MAST4: variants seen among roughly 807,000 people sequenced by gnomAD.
The protein encoded by MAST4 is microtubule-associated serine/threonine-protein kinase 4.
MAST4 carries 89 observed loss-of-function variants against 162.7 expected under a neutral mutation model. The ratio of observed to expected loss-of-function variants is 0.55; its 90% CI spans 0.46 to 0.65. The LOEUF (loss-of-function observed/expected upper bound fraction) is 0.65, where lower values mean the gene tolerates loss of function less well. Ranked by LOEUF, MAST4 falls within the 30% of genes least tolerant of loss-of-function variation. The pLI is 0.00. For missense variants in MAST4, 3,153 were observed against 3,374.0 expected (o/e 0.93, Z 1.62); for synonymous variants, 1,479 against 1,361.1 (o/e 1.09, Z -1.91).
chr5:66,830,910 G>T (rs1182533326), intron 3 of MAST4, among the ~76,000 whole-genome samples: 1 of 152,180 alleles, frequency 6.6e-6, no homozygotes, highest in African/African-American at 2.4e-5. Context: ...ACCTGTGTTA[G>T]TAAAGCTAGG....
chr5:67,069,792 T>C (rs540658019), intron 5 of MAST4, among the ~76,000 whole-genome samples: 1 of 152,150 alleles, frequency 6.6e-6, no homozygotes, highest in Non-Finnish European at 1.5e-5. Flanking sequence ...TTTGCACATG[T>C]GGGAATGTAC....
At chr5:67,072,129 C>T (rs952785943) in intron 5 of MAST4, among the ~76,000 whole-genome samples, 1 of 152,086 alleles carries the variant, frequency 6.6e-6, no homozygotes, top group Non-Finnish European at 1.5e-5. Flanking sequence ...TTTTATGTTA[C>T]TGAAGAAAGA....
chr5:67,011,008 T>TA (rs1352681451), intron 4 of MAST4, among the ~76,000 whole-genome samples: 1 of 152,172 alleles, frequency 6.6e-6, no homozygotes, highest in East Asian at 1.9e-4. Flanking sequence ...CATATCCCCT[T>TA]ACTCACTGTT....
At chr5:66,966,429 T>C (rs1486696698) in intron 4 of MAST4, among the ~76,000 whole-genome samples, 2 of 152,226 alleles carry the variant, frequency 1.3e-5, no homozygotes, top group African/African-American at 2.4e-5. Flanking sequence ...CAAATAAATA[T>C]ACAATGGCTC....
intron 1 of MAST4, among the ~76,000 whole-genome samples, chr5:66,714,308 C>T (rs1750681232): frequency 6.6e-6 from 1 of 152,322 alleles, no homozygotes. Flanking sequence ...TTTCACTAGC[C>T]ACCAGTCTCT....
rs369466416 is a variant in MAST4 at position 66,882,996 on chromosome 5, C to T, written c.643-16955C>T. Among the ~76,000 whole-genome samples, 317 of 152,296 alleles carry T rather than the reference C, an allele frequency of 2.1e-3. 1 individual carries two copies. The highest frequency in any genetic ancestry group is 7.1e-3 in the African/African-American group (296 of 41,562). ...GACTATGACCAGGGACCATTGCTCT[C>T]ACTCCTACAGTCAAAATAACCTGGG... On this transcript the variant is annotated intron_variant, in intron 3 of 28. Coordinates refer to ENST00000403625, the MANE Select transcript of MAST4 (RefSeq NM_001164664.2).
At chr5:67,109,603 G>C (rs983329122) in intron 10 of MAST4, among the ~76,000 whole-genome samples, 1 of 151,940 alleles carries the variant, frequency 6.6e-6, no homozygotes, top group Non-Finnish European at 1.5e-5. Flanking sequence ...CACTTCTTAC[G>C]TGTGATAATA....
intron 4 of MAST4, among the ~76,000 whole-genome samples, chr5:66,959,572 T>A (rs1377735960): frequency 6.6e-6 from 1 of 152,220 alleles, no homozygotes; most frequent in Non-Finnish European, 1.5e-5. Context: ...AAAGAATGTA[T>A]CAGTAGGCCA....
At chr5:66,966,104 CT>C (rs1368055742) in intron 4 of MAST4, among the ~76,000 whole-genome samples, 1 of 152,168 alleles carries the variant, frequency 6.6e-6, no homozygotes, top group Non-Finnish European at 1.5e-5. Flanking sequence ...TGAATATTGC[CT>C]TTGATTACAG....
At chr5:66,716,448 C>A (rs1463158342) in intron 1 of MAST4, among the ~76,000 whole-genome samples, 1 of 151,972 alleles carries the variant, frequency 6.6e-6, no homozygotes, top group African/African-American at 2.4e-5. Context: ...TGAGCTCAAG[C>A]AATCCTCCTA....
chr5:66,784,417 T>C lies in MAST4; in HGVS notation c.518-4253T>C, dbSNP rs184672428. Among the ~76,000 whole-genome samples, 6 of 152,342 alleles carry C rather than the reference T, an allele frequency of 3.9e-5. No individual in the cohort carries two copies. In the East Asian group the frequency reaches 1.2e-3, roughly 29 times the overall value. On this transcript the variant is annotated intron_variant, in intron 2 of 28. Transcript: ENST00000403625. The stretch of plus-strand genomic sequence containing the variant: ...TCCGGATACATTAAAAAATTTCTTA[T>C]TAAATTTGTTAAAGCCACAAGTCAA...
At chr5:66,941,779 G>A (rs185200361) in intron 4 of MAST4, among the ~76,000 whole-genome samples, 4 of 152,260 alleles carry the variant, frequency 2.6e-5, no homozygotes, top group African/African-American at 9.6e-5. Context: ...GAAAATGAGA[G>A]ATGTGTGTCT....
intron 3 of MAST4, among the ~76,000 whole-genome samples, chr5:66,895,013 A>T (rs1762591564): frequency 6.6e-6 from 1 of 152,036 alleles, no homozygotes; most frequent in Non-Finnish European, 1.5e-5. Context: ...CTGAGCTCCC[A>T]CTCAGTGTTC....
intron 3 of MAST4, among the ~76,000 whole-genome samples, chr5:66,814,907 T>A (rs754459512): frequency 2.0e-5 from 3 of 152,218 alleles, no homozygotes; most frequent in Non-Finnish European, 2.9e-5. Context: ...AGAATGCTGT[T>A]AATCTTGCTA....
intron 3 of MAST4, among the ~76,000 whole-genome samples, chr5:66,875,441 T>C (rs1241995420): frequency 6.6e-6 from 1 of 152,256 alleles, no homozygotes; most frequent in Non-Finnish European, 1.5e-5. Flanking sequence ...ACTTATTAAC[T>C]ATGACTTTGA....
chr5:67,034,212 G>C (rs956768724), intron 4 of MAST4, among the ~76,000 whole-genome samples: 7 of 152,160 alleles, frequency 4.6e-5, no homozygotes, highest in African/African-American at 1.7e-4. Flanking sequence ...TTTCTGCTAA[G>C]TTGGCTTTAT....
At chr5:67,116,903 C>G (rs1397098460) in intron 12 of MAST4, among the ~76,000 whole-genome samples, 8 of 152,182 alleles carry the variant, frequency 5.3e-5, no homozygotes, top group Non-Finnish European at 1.2e-4. Context: ...ATACCTTAGA[C>G]TTGTCCTTTG....
chr5:67,059,845 G>T (rs1759328518), intron 5 of MAST4, among the ~76,000 whole-genome samples: 1 of 152,180 alleles, frequency 6.6e-6, no homozygotes. Context: ...ATTTCTTAAG[G>T]GTTAGTCACC....
At chr5:66,771,088 C>T (rs915928006) in intron 2 of MAST4, among the ~76,000 whole-genome samples, 11 of 152,156 alleles carry the variant, frequency 7.2e-5, no homozygotes, top group Non-Finnish European at 1.5e-5. Context: ...AATTCTTCAA[C>T]ATGCACCAGA....
Sources: gnomAD v4.1 joint callset for allele counts (sites outside exome capture counted in the v4.1 genomes callset) on GRCh38, gnomAD v4.1.1 for gene constraint, MANE v1.5 for transcripts, NCBI Gene and HGNC (gene_info 2026-07-23, HGNC 2026-07-21) for gene names.